The following ZNF677 variants were observed in gnomAD, a reference collection of about 807,000 sequenced individuals.
The protein encoded by ZNF677 is hypothetical protein MGC48625.
In ZNF677, 5 loss-of-function variants were observed where a neutral mutation model predicts 8.1. The ratio of observed to expected loss-of-function variants is 0.62; its 90% CI spans 0.32 to 1.29. ZNF677 has a LOEUF of 1.29. Among genes scored for constraint, ZNF677 ranks in the 50% most tolerant of loss-of-function variants. The probability of loss-of-function intolerance (pLI) is 0.05; values close to 1 mark genes in which losing one functional copy is unlikely to be tolerated. For synonymous variants in ZNF677, 221 were observed against 225.6 expected (o/e 0.98, Z 0.18); for missense variants, 685 against 685.9 (o/e 1.00, Z 0.01).
rs373132646 is a variant in ZNF677 at position 53,237,674 on chromosome 19, T to C, written c.1053A>G (p.Glu351=). The change falls in exon 5 of 5, where the codon GAA becomes GAG. Residue 351 remains glutamate (E), a synonymous_variant. Coordinates refer to ENST00000598513, the MANE Select transcript of ZNF677 (RefSeq NM_182609.4). ...HTGEKPYKCN[E]CGKAFIQRSH... is the part of the protein sequence containing the mutation. Reference sequence around the variant, plus strand: ...AACGCTGGATAAATGCCTTACCACATTCATTACATTTGTAAGGTTTCTCTC... The same window carrying C: ...AACGCTGGATAAATGCCTTACCACACTCATTACATTTGTAAGGTTTCTCTC... The C allele has an allele frequency of 4.3e-6, 7 of 1,612,866 alleles. No individual in the cohort carries two copies. Among genetic ancestry groups the C allele is most frequent in the Non-Finnish European group, 5.9e-6 (7 of 1,179,518 alleles).
rs1228380886 is a variant in ZNF677 at position 53,236,562 on chromosome 19, T to C, written c.*410A>G. On this transcript the variant is annotated 3_prime_UTR_variant, in exon 5 of 5. Transcript: ENST00000598513. ...TAGCCTGAATTTTTGTATGACAAAATGCTTGCATATAAGGATGAATTTCCA... is the reference window on the plus strand; with the variant it reads ...TAGCCTGAATTTTTGTATGACAAAACGCTTGCATATAAGGATGAATTTCCA... The C allele has an allele frequency of 2.6e-5, 4 of 154,654 alleles. No individual in the cohort carries two copies. Among genetic ancestry groups the C allele is most frequent in the African/African-American group, 9.6e-5 (4 of 41,496 alleles). 9.6% of individuals were successfully genotyped at this position (154,654 alleles called of 1,614,324 possible). A position where few individuals can be genotyped will look rare whatever the true frequency, so the allele number is the denominator to read the frequency against.
Position 53,235,888 on chromosome 19 carries a change from A to G in ZNF677, c.*1084T>C, listed in dbSNP as rs910503660. 15 of 152,238 alleles carry G rather than the reference A, an allele frequency of 9.9e-5. No homozygotes were observed. The highest frequency in any genetic ancestry group is 3.6e-4 in the African/African-American group (15 of 41,422). 9.4% of individuals were successfully genotyped at this position (152,238 alleles called of 1,614,324 possible). A position where few individuals can be genotyped will look rare whatever the true frequency, so the allele number is the denominator to read the frequency against. The stretch of plus-strand genomic sequence containing the variant: ...ACAAACCCCCATGCTCTTATAGTAT[A>G]TTGTATATTAGTGTTCTTGGCTGGG... On this transcript the variant is annotated 3_prime_UTR_variant, in exon 5 of 5. Coordinates refer to ENST00000598513, the MANE Select transcript of ZNF677 (RefSeq NM_182609.4).
At chr19:53,246,223 CAGG>C (rs1259092101) in intron 3 of ZNF677, among the ~76,000 whole-genome samples, 2 of 147,668 alleles carry the variant, frequency 1.4e-5, no homozygotes, top group African/African-American at 5.1e-5. Flanking sequence ...GAGGCTGAGG[CAGG>C]AGAATGGCGG....
At chr19:53,248,014 G>GC (rs2091174026) in intron 3 of ZNF677, among the ~76,000 whole-genome samples, 1 of 152,022 alleles carries the variant, frequency 6.6e-6, no homozygotes. Flanking sequence ...TTTGCTACTT[G>GC]TTTTTCACAT....
At chr19:53,247,490 C>T (rs1043708824) in intron 3 of ZNF677, among the ~76,000 whole-genome samples, 1 of 152,048 alleles carries the variant, frequency 6.6e-6, no homozygotes, top group African/African-American at 2.4e-5. Flanking sequence ...GTCTGTGGTC[C>T]GTGGGTTAGA....
Position 53,237,818 on chromosome 19 carries a change from A to G in ZNF677, c.909T>C (p.Cys303=), listed in dbSNP as rs138537663. The change falls in exon 5 of 5, where the codon TGT becomes TGC. Residue 303 remains cysteine, a synonymous_variant. Transcript: ENST00000598513. ...CNECGKAFNQ[C]SNLTRHQRVH... is the part of the protein sequence containing the mutation. Reference sequence around the variant, plus strand: ...CTCTCTGATGCCTAGTGAGGTTCGAACACTGGTTAAAGGCTTTGCCACACT... The same window carrying G: ...CTCTCTGATGCCTAGTGAGGTTCGAGCACTGGTTAAAGGCTTTGCCACACT... 89 of 1,612,584 alleles carry G rather than the reference A, an allele frequency of 5.5e-5. 1 individual carries two copies. The African/African-American group carries it at 1.0e-3, about 19-fold the overall frequency.
chr19:53,238,013 A>G lies in ZNF677; in HGVS notation c.714T>C (p.Asn238=). 1 of 1,613,666 alleles carries G rather than the reference A, an allele frequency of 6.2e-7. No individual in the cohort carries two copies. The highest frequency in any genetic ancestry group is 8.5e-7 in the Non-Finnish European group (1 of 1,179,896). Residue 238 remains asparagine, a synonymous_variant, in exon 5 of 5, where the codon AAT becomes AAC. Transcript: ENST00000598513. ...GGTATTTCAAAATCTTCCTATATTT[A>G]TTACAAATGTTTTTGACACAAGGAG... ...PLPPCVKNIC[N]KYRKILKYPL...
At position 53,237,537 on chromosome 19, in the gene ZNF677, T is replaced by C. The variant is rs925921133; in HGVS notation, c.1190A>G (p.His397Arg). ...ACATATGTAAGGCTTCTCTCCAGTA[T>C]GGATTCTCTTATGTTGGGTAAGGCT... ...RSSLTQHKRI[H>R]TGEKPYICNE... Residue 397 changes from histidine to arginine, a missense_variant, in exon 5 of 5, where the codon CAT becomes CGT. Coordinates refer to ENST00000598513, the MANE Select transcript of ZNF677 (RefSeq NM_182609.4). 4 of 1,613,868 alleles carry C rather than the reference T, an allele frequency of 2.5e-6. No homozygotes were observed. Among genetic ancestry groups the C allele is most frequent in the Non-Finnish European group, 1.7e-6 (2 of 1,179,904 alleles).
chr19:53,244,644 T>C (rs746102418), intron 3 of ZNF677, among the ~76,000 whole-genome samples: 6 of 152,178 alleles, frequency 3.9e-5, no homozygotes, highest in Non-Finnish European at 8.8e-5. Flanking sequence ...TTCAAGAACT[T>C]AGAAAATTAA....
chr19:53,243,614 G>A (rs2091089354), intron 4 of ZNF677, 130 bp downstream of exon 4: 3 of 1,230,030 alleles, frequency 2.4e-6, no homozygotes, highest in Non-Finnish European at 2.3e-6. Context: ...GCTACATTAT[G>A]AAGCCTTTCC....
Position 53,237,925 on chromosome 19 carries a change from A to G in ZNF677, c.802T>C (p.Cys268Arg), listed in dbSNP as rs2090991625. ...IREKSYKCND[C>R]GKAFSKSSNL... ...GAACTTTTGCTAAAAGCCTTTCCAC[A>G]GTCATTACACTTGTATGATTTTTCT... Residue 268 changes from cysteine (C) to arginine (R), a missense_variant, in exon 5 of 5, where the codon TGT becomes CGT. Transcript: ENST00000598513. The G allele has an allele frequency of 3.1e-6, 5 of 1,612,420 alleles. No homozygotes were observed. The African/African-American group carries it at 6.7e-5, about 22-fold the overall frequency.
intron 3 of ZNF677, among the ~76,000 whole-genome samples, chr19:53,249,857 C>T (rs1029431570): frequency 3.3e-5 from 5 of 152,034 alleles, no homozygotes; most frequent in African/African-American, 1.2e-4. Context: ...CATCTTTTGG[C>T]TATTATTTTT....
At chr19:53,251,824 CCA>C (rs148734030) in intron 2 of ZNF677, among the ~76,000 whole-genome samples, 5 of 152,270 alleles carry the variant, frequency 3.3e-5, no homozygotes, top group African/African-American at 1.2e-4. Context: ...TTGCTGAAAC[CCA>C]CACATTCTGC....
rs6509740 is a variant in ZNF677 at position 53,235,732 on chromosome 19, T to C, written c.*1240A>G. ...CAATGTCCCACCCTACTCTTCTTGT[T>C]TCATGGTCATCTTGTACTGTAACCA... On this transcript the variant is annotated 3_prime_UTR_variant, in exon 5 of 5. Transcript: ENST00000598513. 0.3 allele frequency: 46,360 copies of C among 152,100 alleles called. 8,120 individuals are homozygous for C. Among genetic ancestry groups the C allele is most frequent in the African/African-American group, 0.46 (19,251 of 41,464 alleles). The allele number at this position is 152,100 out of a possible 1,614,324, so 9.4% of individuals were successfully genotyped here.
chr19:53,240,879 A>C (rs1449265821), intron 4 of ZNF677: 1 of 151,910 alleles, frequency 6.6e-6, no homozygotes, highest in African/African-American at 2.4e-5. Context: ...AATTTTAACA[A>C]ATGTACCACT....
chr19:53,252,466 T>C (rs1319134726), intron 2 of ZNF677, among the ~76,000 whole-genome samples: 1 of 152,208 alleles, frequency 6.6e-6, no homozygotes, highest in East Asian at 1.9e-4. Flanking sequence ...GTGGCCTGGA[T>C]AGGGCAGTAG....
rs746560738 is a variant in ZNF677 at position 53,238,229 on chromosome 19, T to C, written c.498A>G (p.Ile166Met). The C allele has an allele frequency of 1.4e-5, 22 of 1,613,910 alleles. No individual in the cohort carries two copies. Among genetic ancestry groups the C allele is most frequent in the Non-Finnish European group, 1.9e-5 (22 of 1,179,952 alleles). Reference protein sequence around the residue: ...HQYFIHDKPFIRNLLKLKNNI... With the variant: ...HQYFIHDKPFMRNLLKLKNNI... ...TATTTTTCAGTTTTAACAAATTCCT[T>C]ATAAATGGCTTGTCATGGATGAAAT... is the stretch of plus-strand genomic sequence containing the variant. The change falls in exon 5 of 5, where the codon ATA (isoleucine) becomes ATG (methionine). Residue 166 changes from isoleucine to methionine, a missense_variant. Ile to Met is a conservative substitution (Grantham distance 10, BLOSUM62 1). Coordinates refer to ENST00000598513, the MANE Select transcript of ZNF677 (RefSeq NM_182609.4).
chr19:53,237,244 C>A lies in ZNF677; in HGVS notation c.1483G>T (p.Ala495Ser), dbSNP rs541539640. The change falls in exon 5 of 5, where the codon GCC (alanine) becomes TCC (serine). Residue 495 changes from alanine (A) to serine (S), a missense_variant. Ala to Ser is a moderately conservative substitution (Grantham distance 99). Coordinates refer to ENST00000598513, the MANE Select transcript of ZNF677 (RefSeq NM_182609.4). ...GTAAGATTTGAACGTTCAGTAAAGG[C>A]TTTGCCACATTCAGTACATTTGTAA... ...KPYKCTECGK[A>S]FTERSNLTQH... 4 of 1,613,720 alleles carry A rather than the reference C, an allele frequency of 2.5e-6. No homozygotes were observed. Among genetic ancestry groups the A allele is most frequent in the Non-Finnish European group, 3.4e-6 (4 of 1,179,954 alleles).
intron 3 of ZNF677, among the ~76,000 whole-genome samples, chr19:53,246,487 TACACACACACACACACACACACAC>T (rs60644090): frequency 3.7e-4 from 52 of 140,266 alleles, no homozygotes; most frequent in African/African-American, 1.6e-4. Flanking sequence ...AAAGAAAATG[TACACACACACACACACACACACAC>T]ACACACACAC....
Sources: allele counts gnomAD v4.1 joint callset (sites outside exome capture counted in the v4.1 genomes callset), GRCh38; gene constraint gnomAD v4.1.1; transcripts MANE v1.5; gene names NCBI Gene and HGNC (gene_info 2026-07-23, HGNC 2026-07-21).